Variants in DLG2 observed in about 807,000 individuals in gnomAD.
DLG2 encodes discs large MAGUK scaffold protein 2.
A neutral mutation model predicts 132.5 loss-of-function variants in DLG2; 45 were observed. The ratio of observed to expected loss-of-function variants is 0.34; its 90% CI spans 0.27 to 0.44. The LOEUF is 0.44. Among genes scored for constraint, DLG2 ranks in the 20% least tolerant of loss-of-function variants. The probability of loss-of-function intolerance (pLI) is 1.00; values close to 1 mark genes in which losing one functional copy is unlikely to be tolerated. For missense variants in DLG2, 1,045 were observed against 1,196.9 expected (o/e 0.87, Z 1.87); for synonymous variants, 424 against 419.6 (o/e 1.01, Z -0.13).
In DLG2 at chr11:85,393,760, T is replaced by A. The variant is rs182788232; in HGVS notation, c.41-108395A>T. Among the ~76,000 whole-genome samples the A allele has an allele frequency of 1.1e-4, 17 of 152,116 alleles. 1 individual carries two copies. The highest frequency in any genetic ancestry group is 6.2e-4 in the South Asian group (3 of 4,820). ...TATGTATGTATATTTTATGTATATA[T>A]GTGGATGGAACTGGAAACCATTATT... On this transcript the variant is annotated intron_variant, in intron 3 of 27. Coordinates refer to ENST00000376104, the MANE Select transcript of DLG2 (RefSeq NM_001142699.3).
intron 7 of DLG2, among the ~76,000 whole-genome samples, chr11:84,255,363 A>G (rs1464913596): frequency 6.6e-6 from 1 of 152,090 alleles, no homozygotes; most frequent in Non-Finnish European, 1.5e-5. Context: ...TCGCTCTATC[A>G]CCCAGGCTGG....
chr11:83,603,073 C>T (rs1446957164), intron 19 of DLG2, among the ~76,000 whole-genome samples: 2 of 150,798 alleles, frequency 1.3e-5, no homozygotes, highest in Admixed American at 6.6e-5. Flanking sequence ...TATGTGTGTT[C>T]GTGTGTGTGT....
At chr11:84,476,733 T>C (rs1021987421) in intron 7 of DLG2, among the ~76,000 whole-genome samples, 1 of 152,146 alleles carries the variant, frequency 6.6e-6, no homozygotes, top group Non-Finnish European at 1.5e-5. Flanking sequence ...GGAGAAGCCA[T>C]GTGTAGCTGT....
chr11:84,376,591 C>T (rs761790791), intron 7 of DLG2, among the ~76,000 whole-genome samples: 35 of 151,848 alleles, frequency 2.3e-4, no homozygotes, highest in South Asian at 6.2e-4. Context: ...CCAAGAAATA[C>T]GAAACCCAAG....
At chr11:85,497,966 T>C (rs2093706569) in intron 3 of DLG2, among the ~76,000 whole-genome samples, 1 of 152,140 alleles carries the variant, frequency 6.6e-6, no homozygotes, top group Non-Finnish European at 1.5e-5. Flanking sequence ...TACCAGCCAC[T>C]GCAAAAGCAT....
At chr11:84,310,667 G>C (rs2154387488) in intron 7 of DLG2, among the ~76,000 whole-genome samples, 1 of 152,216 alleles carries the variant, frequency 6.6e-6, no homozygotes, top group African/African-American at 2.4e-5. Flanking sequence ...CCTTACCTGG[G>C]GGACAGCTGC....
intron 3 of DLG2, among the ~76,000 whole-genome samples, chr11:85,299,339 G>A (rs935969849): frequency 2.6e-5 from 4 of 152,138 alleles, no homozygotes; most frequent in Non-Finnish European, 5.9e-5. Flanking sequence ...GACTCTTTAT[G>A]TCTGGAGTAA....
intron 3 of DLG2, among the ~76,000 whole-genome samples, chr11:85,312,034 T>C (rs1480932176): frequency 1.3e-5 from 2 of 151,988 alleles, no homozygotes; most frequent in Non-Finnish European, 2.9e-5. Context: ...GGAATGTTCT[T>C]CTCCCTTTTC....
chr11:84,973,011 G>A (rs1003958445), intron 6 of DLG2, among the ~76,000 whole-genome samples: 4 of 151,186 alleles, frequency 2.6e-5, no homozygotes, highest in Non-Finnish European at 2.9e-5. Context: ...AGGCTGGAGG[G>A]CAGTGGCGCG....
At chr11:84,846,030 T>G (rs1231018195) in intron 6 of DLG2, among the ~76,000 whole-genome samples, 2 of 152,046 alleles carry the variant, frequency 1.3e-5, no homozygotes, top group Non-Finnish European at 2.9e-5. Context: ...TTTGCTGTCT[T>G]TTTTTCCTCT....
At chr11:85,089,867 C>G (rs2068494947) in intron 6 of DLG2, among the ~76,000 whole-genome samples, 1 of 152,066 alleles carries the variant, frequency 6.6e-6, no homozygotes, top group South Asian at 2.1e-4. Flanking sequence ...ATCAAACCCA[C>G]AATGAGATAT....
intron 7 of DLG2, among the ~76,000 whole-genome samples, chr11:84,511,259 G>A (rs953977793): frequency 1.3e-5 from 2 of 151,906 alleles, no homozygotes; most frequent in African/African-American, 4.8e-5. Flanking sequence ...TTAAGGTACA[G>A]TAAAATGTTA....
chr11:83,958,434 C>T (rs1046183225), intron 14 of DLG2, among the ~76,000 whole-genome samples: 5 of 152,092 alleles, frequency 3.3e-5, no homozygotes, highest in African/African-American at 1.2e-4. Flanking sequence ...TAAGTAGAGG[C>T]AGCCAGAAAG....
intron 6 of DLG2, among the ~76,000 whole-genome samples, chr11:84,604,704 C>T (rs973217401): frequency 3.9e-5 from 6 of 151,992 alleles, no homozygotes; most frequent in Non-Finnish European, 8.8e-5. Flanking sequence ...ACAAGGTCAA[C>T]ACCAGATGAT....
At position 85,308,836 on chromosome 11, in the gene DLG2, G is replaced by A. The variant is rs1275842847; in HGVS notation, c.41-23471C>T. Reference sequence around the variant, plus strand: ...TATTCCTTATATGGCAGACTATAGAGAGTACTTTACATGACTTATTTCATC... The same window carrying A: ...TATTCCTTATATGGCAGACTATAGAAAGTACTTTACATGACTTATTTCATC... On this transcript the variant is annotated intron_variant, in intron 3 of 27. Coordinates refer to ENST00000376104, the MANE Select transcript of DLG2 (RefSeq NM_001142699.3). 4.6e-5 allele frequency among the ~76,000 whole-genome samples: 7 copies of A among 152,138 alleles called. 1 individual carries two copies. Among genetic ancestry groups the A allele is most frequent in the African/African-American group, 1.7e-4 (7 of 41,496 alleles).
At chr11:83,729,011 C>G (rs1003038697) in intron 18 of DLG2, among the ~76,000 whole-genome samples, 1 of 152,120 alleles carries the variant, frequency 6.6e-6, no homozygotes, top group Non-Finnish European at 1.5e-5. Context: ...AGCATTGTTA[C>G]TTCCACTAGG....
chr11:84,502,279 CTTCT>C (rs1160344483), intron 7 of DLG2, among the ~76,000 whole-genome samples: 3 of 20,418 alleles, frequency 1.5e-4, no homozygotes, highest in African/African-American at 5.6e-4. Context: ...TCCTTCCTTC[CTTCT>C]TTCTTTCTTT....
chr11:85,193,311 A>G (rs906631693), intron 4 of DLG2, among the ~76,000 whole-genome samples: 1 of 152,172 alleles, frequency 6.6e-6, no homozygotes, highest in African/African-American at 2.4e-5. Flanking sequence ...TTATCCATTC[A>G]TCAGTTAATG....
At chr11:85,360,592 T>G (rs188915463) in intron 3 of DLG2, among the ~76,000 whole-genome samples, 1 of 152,278 alleles carries the variant, frequency 6.6e-6, no homozygotes, top group African/African-American at 2.4e-5. Flanking sequence ...AACTGATTAG[T>G]TTGGTCTGAT....
Sources: allele counts gnomAD v4.1 joint callset (sites outside exome capture counted in the v4.1 genomes callset), GRCh38; gene constraint gnomAD v4.1.1; transcripts MANE v1.5; gene names NCBI Gene and HGNC (gene_info 2026-07-23, HGNC 2026-07-21).